Variants in EGFL6 observed in about 807,000 individuals in gnomAD.
EGFL6 encodes EGF like domain multiple 6.
A neutral mutation model predicts 43.1 loss-of-function variants in EGFL6; 42 were observed. That is an observed-to-expected ratio of 0.98 (90% CI 0.76 to 1.26). The LOEUF (loss-of-function observed/expected upper bound fraction) is 1.26. EGFL6 is among the 50% of genes most tolerant of loss of function. The pLI is 0.00. For missense variants in EGFL6, 429 were observed against 427.8 expected, an observed-to-expected ratio of 1.00 and a Z score of -0.02; for synonymous variants, 164 against 163.2, an observed-to-expected ratio of 1.01 and a Z score of -0.04.
In EGFL6 at chrX:13,603,386, T is replaced by C; in HGVS notation, c.470T>C (p.Leu157Pro). The change falls in exon 5 of 12, where the codon CTG becomes CCG. Residue 157 changes from leucine to proline, a missense_variant. Coordinates refer to ENST00000361306, the MANE Select transcript of EGFL6 (RefSeq NM_015507.4). ...CEDTEEGPQC[L>P]CPSSGLRLAP... ...GACACAGAAGAAGGGCCACAGTGCC[T>C]GTGTCCATCCTCAGGACTCCGCCTG... 8.3e-7 allele frequency: 1 copy of C among 1,210,997 alleles called. No individual in the cohort carries two copies. The highest frequency in any genetic ancestry group is 1.1e-6 in the Non-Finnish European group (1 of 894,943).
Position 13,633,226 on chromosome X carries a change from G to C in EGFL6, c.*131G>C. ...TGTACCAACAGAAATATTATTGTAAGATGCCTTTCTTGTATAAGATATGCC... is the reference window on the plus strand; with the variant it reads ...TGTACCAACAGAAATATTATTGTAACATGCCTTTCTTGTATAAGATATGCC... On this transcript the variant is annotated 3_prime_UTR_variant, in exon 12 of 12. Coordinates refer to ENST00000361306, the MANE Select transcript of EGFL6 (RefSeq NM_015507.4). The C allele has an allele frequency of 2.1e-6, 1 of 486,964 alleles. No homozygotes were observed. The highest frequency in any genetic ancestry group is 3.3e-6 in the Non-Finnish European group (1 of 304,010). 40.1% of individuals were successfully genotyped at this position (486,964 alleles called of 1,213,427 possible). A position where few individuals can be genotyped will look rare whatever the true frequency, so the allele number is the denominator to read the frequency against.
At chrX:13,613,626 C>T (rs1169027743) in intron 7 of EGFL6, among the ~76,000 whole-genome samples, 1 of 111,524 alleles carries the variant, frequency 9.0e-6, no homozygotes, top group Non-Finnish European at 1.9e-5. Flanking sequence ...ATGATAGTAT[C>T]TAGCCCTTAA....
chrX:13,621,710 A>T (rs2045749547), intron 9 of EGFL6, among the ~76,000 whole-genome samples: 1 of 112,651 alleles, frequency 8.9e-6, no homozygotes. Flanking sequence ...ACACCCTCAC[A>T]CAGAGAGCTG....
chrX:13,597,566 TTG>T (rs1258464377), intron 3 of EGFL6, among the ~76,000 whole-genome samples: 1 of 111,522 alleles, frequency 9.0e-6, no homozygotes, highest in Non-Finnish European at 1.9e-5. Context: ...GGTGGATCAC[TTG>T]AGGTCAAGAG....
chrX:13,603,538 T>G (rs904888517), intron 5 of EGFL6, 102 bp downstream of exon 5: 1 of 949,438 alleles, frequency 1.1e-6, no homozygotes, highest in African/African-American at 2.0e-5. Flanking sequence ...GACTAGACAT[T>G]GGAAACTTCT....
At chrX:13,575,646 C>T (rs941360513) in intron 1 of EGFL6, among the ~76,000 whole-genome samples, 1 of 111,941 alleles carries the variant, frequency 8.9e-6, no homozygotes, top group African/African-American at 3.3e-5. Context: ...ACATAAGGTA[C>T]GTTCAGAAAA....
chrX:13,585,206 T>C (rs2045527542), intron 1 of EGFL6, among the ~76,000 whole-genome samples: 1 of 111,743 alleles, frequency 8.9e-6, no homozygotes, highest in African/African-American at 3.3e-5. Context: ...GTTGTAATCC[T>C]CTGGTCATCT....
chrX:13,623,746 TG>T, intron 9 of EGFL6, 77 bp from the exon 10 acceptor site: 1 of 781,111 alleles, frequency 1.3e-6, no homozygotes, highest in Middle Eastern at 3.8e-4. Context: ...AACAAGGTAT[TG>T]CCTTCCAAAG....
At chrX:13,575,929 G>GCCA (rs2045468747) in intron 1 of EGFL6, among the ~76,000 whole-genome samples, 2 of 111,990 alleles carry the variant, frequency 1.8e-5, no homozygotes, top group African/African-American at 3.2e-5. Flanking sequence ...TGGGTAGTTG[G>GCCA]GCTGATATGG....
chrX:13,603,410 T>A lies in EGFL6; in HGVS notation c.494T>A (p.Leu165Gln), dbSNP rs1392461822. ...CTGTGTCCATCCTCAGGACTCCGCC[T>A]GGCCCCAAATGGAAGAGACTGTCTA... Reference protein sequence around the residue: ...QCLCPSSGLRLAPNGRDCLDI... With the variant: ...QCLCPSSGLRQAPNGRDCLDI... Residue 165 changes from leucine to glutamine, a missense_variant, in exon 5 of 12, where the codon CTG (leucine) becomes CAG (glutamine). Coordinates refer to ENST00000361306, the MANE Select transcript of EGFL6 (RefSeq NM_015507.4). 1 of 1,209,972 alleles carries A rather than the reference T, an allele frequency of 8.3e-7. No homozygotes were observed. Among genetic ancestry groups the A allele is most frequent in the South Asian group, 1.8e-5 (1 of 56,451 alleles).
chrX:13,591,529 A>G (rs929626566), intron 2 of EGFL6, among the ~76,000 whole-genome samples: 1 of 112,143 alleles, frequency 8.9e-6, no homozygotes, highest in African/African-American at 3.2e-5. Context: ...TCCAATTTGC[A>G]TGGTCCTTCT....
chrX:13,593,446 G>A (rs189494457), intron 2 of EGFL6, among the ~76,000 whole-genome samples: 1 of 111,644 alleles, frequency 9.0e-6, no homozygotes. Context: ...GGGAGTGAGG[G>A]AGCATGGGAA....
chrX:13,600,280 C>CTTTTTTTTTTTTTTTT (rs1231725425), intron 4 of EGFL6, among the ~76,000 whole-genome samples, 186 bp downstream of exon 4: 4 of 44,277 alleles, frequency 9.0e-5, no homozygotes, highest in East Asian at 1.0e-3. Flanking sequence ...TTTCTTTCTT[C>CTTTTTTTTTTTTTTTT]TTTTTTTTTT....
At chrX:13,632,863 T>C (rs2045820779) in intron 11 of EGFL6, 122 bp from the exon 12 acceptor site, 6 of 573,711 alleles carry the variant, frequency 1.0e-5, no homozygotes, top group South Asian at 2.8e-5. Context: ...TATTACAGTA[T>C]ATTCAATGTC....
At chrX:13,591,709 C>G (rs1472497704) in intron 2 of EGFL6, among the ~76,000 whole-genome samples, 2 of 111,018 alleles carry the variant, frequency 1.8e-5, no homozygotes, top group Non-Finnish European at 3.8e-5. Context: ...ACAGTCTACC[C>G]AGGCCTTCCC....
intron 9 of EGFL6, among the ~76,000 whole-genome samples, chrX:13,622,897 T>C (rs1271403483): frequency 1.8e-5 from 2 of 111,836 alleles, no homozygotes; most frequent in Non-Finnish European, 3.8e-5. Flanking sequence ...TCATTAACAG[T>C]TTAGAGGCCA....
At chrX:13,598,498 T>A (rs921927873) in intron 3 of EGFL6, among the ~76,000 whole-genome samples, 3 of 111,435 alleles carry the variant, frequency 2.7e-5, no homozygotes, top group Non-Finnish European at 5.7e-5. Flanking sequence ...TAATCCTTTT[T>A]AAAGTTCTAT....
At chrX:13,611,318 T>A (rs1210743069) in intron 7 of EGFL6, among the ~76,000 whole-genome samples, 1 of 112,029 alleles carries the variant, frequency 8.9e-6, no homozygotes, top group Non-Finnish European at 1.9e-5. Flanking sequence ...ATTGTTATTG[T>A]TATTAGTATC....
chrX:13,593,184 G>A (rs1365224137), intron 2 of EGFL6, among the ~76,000 whole-genome samples: 1 of 110,985 alleles, frequency 9.0e-6, no homozygotes, highest in Admixed American at 9.6e-5. Context: ...CAAAGTGCTG[G>A]GATTACAGGC....
Sources: allele counts gnomAD v4.1 joint callset (sites outside exome capture counted in the v4.1 genomes callset), GRCh38; gene constraint gnomAD v4.1.1; transcripts MANE v1.5; gene names NCBI Gene and HGNC (gene_info 2026-07-23, HGNC 2026-07-21).